ZMYND11: variants seen among roughly 807,000 people sequenced by gnomAD.
ZMYND11 encodes the protein zinc finger MYND domain-containing protein 11.
In ZMYND11, 9 loss-of-function variants were observed where a neutral mutation model predicts 84.9. The ratio of observed to expected loss-of-function variants is 0.11; its 90% confidence interval spans 0.06 to 0.18. ZMYND11 has a LOEUF of 0.18. Ranked by LOEUF, ZMYND11 falls within the 10% of genes least tolerant of loss-of-function variation. ZMYND11 has a pLI of 1.00. For missense variants in ZMYND11, 409 were observed against 761.0 expected, an observed-to-expected ratio of 0.54 and a Z score of 5.44; for synonymous variants, 250 against 244.1, an observed-to-expected ratio of 1.02 and a Z score of -0.23.
intron 1 of ZMYND11, among the ~76,000 whole-genome samples, chr10:155,117 A>G (rs1841396046): frequency 6.6e-6 from 1 of 152,180 alleles, no homozygotes; most frequent in South Asian, 2.1e-4. Flanking sequence ...ATTTTCAGAA[A>G]GCATCTCATA....
At position 239,539 on chromosome 10, in the gene ZMYND11, G is replaced by GTGTTT. The variant is rs1554788985; in HGVS notation, c.697+15_697+16insGTTTT. 60,736 of 1,418,420 alleles carry GTGTTT rather than the reference G, an allele frequency of 0.043. 463 individuals carry two copies. Among genetic ancestry groups the GTGTTT allele is most frequent in the Middle Eastern group, 0.051 (281 of 5,488 alleles). 87.9% of individuals were successfully genotyped at this position (1,418,420 alleles called of 1,614,324 possible). A position where few individuals can be genotyped will look rare whatever the true frequency, so the allele number is the denominator to read the frequency against. ...TTTTCTATGGAGGTTGAATATTTTT[G>GTGTTT]TTTTTTTTGTATGCATTTTTAAACA... On this transcript the variant is annotated intron_variant, in intron 7 of 14. Coordinates refer to ENST00000381604, the MANE Select transcript of ZMYND11 (RefSeq NM_001370100.5).
chr10:183,876 C>T (rs937765177), intron 2 of ZMYND11, among the ~76,000 whole-genome samples: 4 of 152,146 alleles, frequency 2.6e-5, no homozygotes, highest in African/African-American at 9.7e-5. Flanking sequence ...TGTACATATC[C>T]TGCCCCAGGC....
chr10:211,465 C>T (rs948083064), intron 3 of ZMYND11, among the ~76,000 whole-genome samples: 4 of 152,006 alleles, frequency 2.6e-5, no homozygotes, highest in African/African-American at 9.7e-5. Context: ...ATTTTCTTTT[C>T]TGGCTCTACA....
intron 3 of ZMYND11, among the ~76,000 whole-genome samples, chr10:212,215 G>A (rs1488224083): frequency 6.6e-6 from 1 of 151,948 alleles, no homozygotes. Context: ...AGTCGTTAAT[G>A]AGCACATTAT....
intron 1 of ZMYND11, among the ~76,000 whole-genome samples, chr10:155,315 A>T (rs564278032): frequency 2.8e-4 from 43 of 152,318 alleles, no homozygotes; most frequent in Non-Finnish European, 5.7e-4. Context: ...TGTATTGGCA[A>T]CATAGATGAT....
intron 1 of ZMYND11, chr10:148,547 A>G (rs1226579617): frequency 1.3e-5 from 2 of 152,270 alleles, no homozygotes; most frequent in African/African-American, 4.8e-5. Context: ...TATTACTCAC[A>G]CTAGTGTTTT....
intron 1 of ZMYND11, among the ~76,000 whole-genome samples, chr10:143,877 G>A (rs1268163982): frequency 6.6e-6 from 1 of 151,900 alleles, no homozygotes; most frequent in African/African-American, 2.4e-5. Context: ...GGTAGCTCAC[G>A]CCTGTCATCA....
intron 4 of ZMYND11, among the ~76,000 whole-genome samples, chr10:227,297 TACTC>T (rs1240447819): frequency 2.0e-5 from 3 of 152,182 alleles, no homozygotes; most frequent in African/African-American, 7.2e-5. Flanking sequence ...CTTCTTAAAA[TACTC>T]AGAATGATAC....
chr10:248,718 T>A, intron 13 of ZMYND11, 110 bp downstream of exon 13: 1 of 1,414,848 alleles, frequency 7.1e-7, no homozygotes, highest in Non-Finnish European at 9.4e-7. Context: ...TGTAGCCATA[T>A]AATGACACCA....
At chr10:138,882 C>A (rs565708528) in intron 1 of ZMYND11, among the ~76,000 whole-genome samples, 78 of 152,268 alleles carry the variant, frequency 5.1e-4, no homozygotes, top group African/African-American at 1.4e-3. Flanking sequence ...CTCGCTCTGT[C>A]GCCCAGGCTG....
chr10:212,791 C>G (rs1359447045), intron 3 of ZMYND11, among the ~76,000 whole-genome samples: 1 of 152,054 alleles, frequency 6.6e-6, no homozygotes, highest in African/African-American at 2.4e-5. Flanking sequence ...TAGTTTCTTA[C>G]TAATTATACA....
At chr10:243,661 C>T (rs1288443489) in intron 10 of ZMYND11, among the ~76,000 whole-genome samples, 3 of 152,110 alleles carry the variant, frequency 2.0e-5, no homozygotes, top group Non-Finnish European at 1.5e-5. Flanking sequence ...GTCAGGAGAT[C>T]GAGACCATCC....
intron 1 of ZMYND11, among the ~76,000 whole-genome samples, chr10:171,714 T>A (rs1554765768): frequency 1.3e-5 from 2 of 152,078 alleles, no homozygotes; most frequent in Non-Finnish European, 2.9e-5. Context: ...AAACTAGGAA[T>A]AAAAGGGAGC....
chr10:151,056 A>G (rs1243131276), intron 1 of ZMYND11, among the ~76,000 whole-genome samples: 1 of 152,052 alleles, frequency 6.6e-6, no homozygotes, highest in Non-Finnish European at 1.5e-5. Context: ...CCACACCAAA[A>G]CCCCATCTGT....
chr10:138,355 G>A (rs1678895634), intron 1 of ZMYND11, among the ~76,000 whole-genome samples: 1 of 152,102 alleles, frequency 6.6e-6, no homozygotes, highest in South Asian at 2.1e-4. Context: ...GGCCTCAAAT[G>A]ATCCACCTGC....
intron 1 of ZMYND11, among the ~76,000 whole-genome samples, chr10:144,966 C>T (rs1160369386): frequency 6.6e-6 from 1 of 150,958 alleles, no homozygotes; most frequent in African/African-American, 2.4e-5. Flanking sequence ...CATGATACTA[C>T]TGTGTATGCC....
At chr10:218,467 C>T in intron 3 of ZMYND11, 1 of 389,892 alleles carries the variant, frequency 2.6e-6, no homozygotes, top group Non-Finnish European at 5.2e-6. Flanking sequence ...CTATAGTATG[C>T]AGCCTTTCTC....
chr10:215,555 T>TG (rs1946059045), intron 3 of ZMYND11, among the ~76,000 whole-genome samples: 1 of 151,394 alleles, frequency 6.6e-6, no homozygotes, highest in East Asian at 1.9e-4. Context: ...GGCATCTTTG[T>TG]TTTTTGTTTT....
chr10:210,446 GT>G (rs1944998949), intron 3 of ZMYND11, among the ~76,000 whole-genome samples: 1 of 152,212 alleles, frequency 6.6e-6, no homozygotes, highest in African/African-American at 2.4e-5. Flanking sequence ...CTCAGTTCAG[GT>G]AGGATGGTAT....
Sources: allele counts gnomAD v4.1 joint callset (sites outside exome capture counted in the v4.1 genomes callset), GRCh38; gene constraint gnomAD v4.1.1; transcripts MANE v1.5; gene names NCBI Gene and HGNC (gene_info 2026-07-23, HGNC 2026-07-21).